The following DPP10 variants were observed in gnomAD, a reference collection of about 807,000 sequenced individuals.
The protein encoded by DPP10 is dipeptidyl peptidase like 10.
Under a neutral mutation model 120.9 loss-of-function variants are expected in DPP10, and 33 were observed. That is an observed-to-expected ratio of 0.27 (90% CI 0.21 to 0.37). The LOEUF is 0.37. Among genes scored for constraint, DPP10 ranks in the 10% least tolerant of loss-of-function variants. DPP10 has a pLI of 1.00. For missense variants in DPP10, 816 were observed against 942.8 expected (o/e 0.87, Z 1.76); for synonymous variants, 337 against 326.1 (o/e 1.03, Z -0.36).
chr2:114,804,053 C>T (rs1448398771), intron 1 of DPP10, among the ~76,000 whole-genome samples: 1 of 152,182 alleles, frequency 6.6e-6, no homozygotes, highest in African/African-American at 2.4e-5. Context: ...GGACTTGTTG[C>T]TCTGTGTCCC....
intron 1 of DPP10, among the ~76,000 whole-genome samples, chr2:114,733,983 G>T (rs895544831): frequency 1.3e-5 from 2 of 152,058 alleles, no homozygotes; most frequent in Non-Finnish European, 2.9e-5. Flanking sequence ...TATCTAAGGG[G>T]TCTAGGGACT....
rs144840532 is a variant in DPP10 at position 115,715,515 on chromosome 2, C to T, written c.577-12301C>T. 1.9e-3 allele frequency among the ~76,000 whole-genome samples: 292 copies of T among 152,208 alleles called. 1 individual carries two copies. The highest frequency in any genetic ancestry group is 6.7e-3 in the African/African-American group (280 of 41,540). On this transcript the variant is annotated intron_variant, in intron 7 of 25. Transcript: ENST00000410059. The stretch of plus-strand genomic sequence containing the variant: ...CAGATTCCAACAACACTTTCTGCTT[C>T]GCTATATTATAAACATACCATACCA...
chr2:114,540,603 A>T (rs901825776), intron 1 of DPP10, among the ~76,000 whole-genome samples: 1 of 152,172 alleles, frequency 6.6e-6, no homozygotes, highest in Non-Finnish European at 1.5e-5. Context: ...GCCACACTAA[A>T]TATTTTTCTA....
chr2:115,430,655 C>T (rs1358896952), intron 3 of DPP10, among the ~76,000 whole-genome samples: 1 of 152,090 alleles, frequency 6.6e-6, no homozygotes, highest in Non-Finnish European at 1.5e-5. Context: ...TATAAAGAAA[C>T]AGCTAAATTG....
intron 7 of DPP10, among the ~76,000 whole-genome samples, chr2:115,695,536 CCAT>C: frequency 6.6e-6 from 1 of 152,222 alleles, no homozygotes; most frequent in East Asian, 1.9e-4. Flanking sequence ...CTTTATAAAA[CCAT>C]CAGATCTCAT....
At chr2:114,834,491 C>CCATATCTATGCACCTATGTATATATAAGA (rs1687466605) in intron 1 of DPP10, among the ~76,000 whole-genome samples, 1 of 149,180 alleles carries the variant, frequency 6.7e-6, no homozygotes, top group African/African-American at 2.5e-5. Flanking sequence ...TATATATAAG[C>CCATATCTATGCACCTATGTATATATAAGA]CATATCTACG....
chr2:114,676,672 A>G (rs1698691073), intron 1 of DPP10, among the ~76,000 whole-genome samples: 1 of 152,120 alleles, frequency 6.6e-6, no homozygotes, highest in Non-Finnish European at 1.5e-5. Flanking sequence ...AGCATTTCTA[A>G]CAAGCACCTA....
rs1422538797 is a variant in DPP10, at chr2:115,531,807, C to T, written c.441+5835C>T. Reference sequence around the variant, plus strand: ...CTGTTCTCCATTCTGTTACTACGAGCCACAAGGGAGAACACTGTCTACATT... The same window carrying T: ...CTGTTCTCCATTCTGTTACTACGAGTCACAAGGGAGAACACTGTCTACATT... On this transcript the variant is annotated intron_variant, in intron 5 of 25. Transcript: ENST00000410059. Among the ~76,000 whole-genome samples the T allele has an allele frequency of 2.0e-5, 3 of 152,188 alleles. No homozygotes were observed. In the East Asian group the frequency reaches 5.8e-4, roughly 29 times the overall value.
intron 1 of DPP10, among the ~76,000 whole-genome samples, chr2:115,259,497 AAG>A (rs1193151214): frequency 1.6e-4 from 24 of 151,686 alleles, no homozygotes; most frequent in Non-Finnish European, 1.2e-4. Flanking sequence ...AAAAAAAAAA[AAG>A]AAAGAAAGAA....
At chr2:115,265,361 T>A (rs975994375) in intron 1 of DPP10, among the ~76,000 whole-genome samples, 1 of 151,776 alleles carries the variant, frequency 6.6e-6, no homozygotes, top group African/African-American at 2.4e-5. Context: ...ATTTTGAACA[T>A]CTGTTTAATA....
intron 5 of DPP10, among the ~76,000 whole-genome samples, chr2:115,667,989 G>A (rs2089593151): frequency 6.6e-6 from 1 of 151,952 alleles, no homozygotes; most frequent in Admixed American, 6.6e-5. Context: ...TTAAATATAT[G>A]TGTCATATAT....
intron 1 of DPP10, among the ~76,000 whole-genome samples, chr2:114,772,107 A>C (rs537429845): frequency 6.6e-6 from 1 of 151,662 alleles, no homozygotes; most frequent in Admixed American, 6.6e-5. Flanking sequence ...ATTTTTTCAT[A>C]GTATAGAGTT....
At chr2:115,249,083 AGTT>A (rs1447714652) in intron 1 of DPP10, among the ~76,000 whole-genome samples, 1 of 152,152 alleles carries the variant, frequency 6.6e-6, no homozygotes, top group Non-Finnish European at 1.5e-5. Flanking sequence ...AAAAATACCA[AGTT>A]GTTGTTTCTA....
intron 7 of DPP10, 29 bp downstream of exon 7, chr2:115,689,950 C>G: frequency 6.3e-7 from 1 of 1,585,052 alleles, no homozygotes. Context: ...ATGCACTGAA[C>G]ACTGCCAATC....
At chr2:114,797,750 G>A (rs753031857) in intron 1 of DPP10, among the ~76,000 whole-genome samples, 7 of 152,146 alleles carry the variant, frequency 4.6e-5, no homozygotes, top group Admixed American at 6.5e-5. Flanking sequence ...AAACAACAGC[G>A]TAGGTAGATT....
At chr2:114,638,368 A>T (rs1695455311) in intron 1 of DPP10, among the ~76,000 whole-genome samples, 1 of 151,874 alleles carries the variant, frequency 6.6e-6, no homozygotes, top group African/African-American at 2.4e-5. Context: ...ATAGGAGAAA[A>T]TATTTGCAAA....
chr2:115,673,350 C>A (rs2090051088), intron 5 of DPP10, among the ~76,000 whole-genome samples: 1 of 152,010 alleles, frequency 6.6e-6, no homozygotes, highest in Non-Finnish European at 1.5e-5. Context: ...ATGAATATAT[C>A]CAGAAAGGAA....
At chr2:114,896,595 G>A (rs550938208) in intron 1 of DPP10, among the ~76,000 whole-genome samples, 2 of 152,270 alleles carry the variant, frequency 1.3e-5, no homozygotes, top group South Asian at 4.2e-4. Flanking sequence ...TGTATCCTGA[G>A]ACTTTGCTGA....
At chr2:115,819,983 A>C (rs1360724974) in intron 21 of DPP10, among the ~76,000 whole-genome samples, 1 of 152,254 alleles carries the variant, frequency 6.6e-6, no homozygotes, top group Non-Finnish European at 1.5e-5. Flanking sequence ...AACAAGAGCG[A>C]AACTCTGTCT....
Sources: gnomAD v4.1 joint callset for allele counts (sites outside exome capture counted in the v4.1 genomes callset) on GRCh38, gnomAD v4.1.1 for gene constraint, MANE v1.5 for transcripts, NCBI Gene and HGNC (gene_info 2026-07-23, HGNC 2026-07-21) for gene names.